The following WDR7 variants were observed in gnomAD, a reference collection of about 807,000 sequenced individuals.
The protein encoded by WDR7 is WD repeat-containing protein 7.
WDR7 carries 46 observed loss-of-function variants against 169.4 expected under a neutral mutation model. The ratio of observed to expected loss-of-function variants is 0.27; its 90% CI spans 0.21 to 0.35. The LOEUF (loss-of-function observed/expected upper bound fraction) is 0.35, where lower values mean the gene tolerates loss of function less well. WDR7 is among the 10% of genes least tolerant of loss of function. WDR7 has a pLI of 1.00. For missense variants in WDR7, 1,534 were observed against 1,859.3 expected (o/e 0.83, Z 3.22); for synonymous variants, 612 against 666.8 (o/e 0.92, Z 1.27).
At chr18:56,729,017 A>C (rs1332151508) in intron 13 of WDR7, among the ~76,000 whole-genome samples, 1 of 152,182 alleles carries the variant, frequency 6.6e-6, no homozygotes, top group East Asian at 1.9e-4. Context: ...AGAGAAGAGG[A>C]AGTATAAACT....
At chr18:56,659,400 C>T (rs1218208801) in intron 1 of WDR7, among the ~76,000 whole-genome samples, 2 of 152,092 alleles carry the variant, frequency 1.3e-5, no homozygotes, top group South Asian at 2.1e-4. Flanking sequence ...TATTTGGATT[C>T]CTTCTATGTG....
At chr18:56,723,858 G>T (rs1461434590) in intron 13 of WDR7, among the ~76,000 whole-genome samples, 1 of 151,776 alleles carries the variant, frequency 6.6e-6, no homozygotes, top group Non-Finnish European at 1.5e-5. Flanking sequence ...TCAGCTCACT[G>T]TGATGGTATT....
At chr18:57,015,722 C>T (rs985798028) in intron 26 of WDR7, among the ~76,000 whole-genome samples, 1 of 152,212 alleles carries the variant, frequency 6.6e-6, no homozygotes. Context: ...AGATGCCAAA[C>T]GTACGATGAG....
intron 12 of WDR7, among the ~76,000 whole-genome samples, chr18:56,705,869 G>A (rs2025939761): frequency 1.3e-5 from 2 of 152,240 alleles, no homozygotes; most frequent in African/African-American, 2.4e-5. Context: ...GTGGTGGCGC[G>A]TGCCTATAGT....
chr18:56,662,095 C>T (rs74824416), intron 1 of WDR7, among the ~76,000 whole-genome samples: 2,759 of 152,298 alleles, frequency 0.018, 33 homozygotes, highest in Non-Finnish European at 0.027. Context: ...TATTCCCCAT[C>T]GGTAGGTGGG....
chr18:56,795,173 A>C (rs1438324869), intron 19 of WDR7, among the ~76,000 whole-genome samples: 1 of 152,160 alleles, frequency 6.6e-6, no homozygotes, highest in Non-Finnish European at 1.5e-5. Context: ...TCATTTTACA[A>C]ATTTTCCTAT....
At position 56,932,874 on chromosome 18, in the gene WDR7, G is replaced by GGTGTGTGTGTGTGT. The variant is rs34838445; in HGVS notation, c.3714-2895_3714-2882dup. On this transcript the variant is annotated intron_variant, in intron 22 of 27. Transcript: ENST00000254442. Reference sequence around the variant, plus strand: ...CACATGATTGTATCTCTTCATTCTGGGTGTGTGTGTGTGTGTGTGTGTGTG... The same window carrying GGTGTGTGTGTGTGT: ...CACATGATTGTATCTCTTCATTCTGGGTGTGTGTGTGTGTGTGTGTGTGTGTGTGTGTGTGTGTG... Among the ~76,000 whole-genome samples, 1,133 of 131,970 alleles carry GGTGTGTGTGTGTGT rather than the reference G, an allele frequency of 8.6e-3. 6 individuals are homozygous for GGTGTGTGTGTGTGT. The highest frequency in any genetic ancestry group is 0.013 in the African/African-American group (346 of 26,002). The allele number at this position is 131,970 out of a possible 152,430, so 86.6% of individuals were successfully genotyped here.
chr18:56,749,384 GTT>G (rs2043753601), intron 14 of WDR7, among the ~76,000 whole-genome samples: 1 of 103,888 alleles, frequency 9.6e-6, no homozygotes, highest in African/African-American at 3.8e-5. Flanking sequence ...GTGTGTGTGT[GTT>G]TGTGTGTGTG....
intron 12 of WDR7, among the ~76,000 whole-genome samples, chr18:56,715,582 C>G (rs1267023124): frequency 1.3e-5 from 2 of 152,030 alleles, no homozygotes; most frequent in Non-Finnish European, 2.9e-5. Context: ...GCCTGTAGTC[C>G]TAGCACTTTG....
intron 19 of WDR7, among the ~76,000 whole-genome samples, chr18:56,798,196 G>A (rs763958469): frequency 1.3e-5 from 2 of 152,104 alleles, no homozygotes; most frequent in Admixed American, 6.5e-5. Flanking sequence ...ACTGTAGAAA[G>A]CACATCAATC....
At chr18:56,776,217 G>A (rs541592128) in intron 16 of WDR7, among the ~76,000 whole-genome samples, 5 of 151,880 alleles carry the variant, frequency 3.3e-5, no homozygotes, top group Admixed American at 2.0e-4. Context: ...GAACCTGTTA[G>A]GATTCTTTTA....
At chr18:56,720,115 A>G (rs181530710) in intron 13 of WDR7, among the ~76,000 whole-genome samples, 19 of 152,300 alleles carry the variant, frequency 1.2e-4, no homozygotes, top group Non-Finnish European at 2.2e-4. Flanking sequence ...AAGTTCTTAT[A>G]GCAATAATGG....
At chr18:56,981,660 G>A (rs1568298386) in intron 26 of WDR7, among the ~76,000 whole-genome samples, 1 of 152,154 alleles carries the variant, frequency 6.6e-6, no homozygotes, top group East Asian at 1.9e-4. Flanking sequence ...TGGAAGAAAT[G>A]CTGCCAAAAG....
chr18:57,004,585 T>G (rs1201861282), intron 26 of WDR7, among the ~76,000 whole-genome samples: 1 of 152,154 alleles, frequency 6.6e-6, no homozygotes, highest in Non-Finnish European at 1.5e-5. Context: ...GCTGCCCATG[T>G]GGAAACACTG....
chr18:56,737,427 C>G (rs2026724437), intron 14 of WDR7, among the ~76,000 whole-genome samples: 1 of 152,156 alleles, frequency 6.6e-6, no homozygotes. Context: ...ATTTTCTGTT[C>G]TGCAGCTTTA....
At chr18:56,828,673 AT>A (rs2045254712) in intron 20 of WDR7, among the ~76,000 whole-genome samples, 1 of 152,234 alleles carries the variant, frequency 6.6e-6, no homozygotes, top group African/African-American at 2.4e-5. Flanking sequence ...AATGTTTAAT[AT>A]AACTCTCATA....
intron 26 of WDR7, among the ~76,000 whole-genome samples, chr18:56,972,073 A>G (rs1030893333): frequency 2.0e-5 from 3 of 152,208 alleles, no homozygotes; most frequent in Admixed American, 6.5e-5. Flanking sequence ...TTAGCAAGGT[A>G]TGAAAATGTC....
intron 2 of WDR7, among the ~76,000 whole-genome samples, chr18:56,673,859 C>T (rs2025188202): frequency 6.6e-6 from 1 of 151,608 alleles, no homozygotes; most frequent in Non-Finnish European, 1.5e-5. Context: ...TACTCATTCT[C>T]CCTAGACCAC....
intron 12 of WDR7, among the ~76,000 whole-genome samples, chr18:56,712,034 T>C (rs2026097579): frequency 6.6e-6 from 1 of 152,158 alleles, no homozygotes; most frequent in Non-Finnish European, 1.5e-5. Context: ...AGAGAAAAAT[T>C]GTTTTGGGCA....
Sources: allele counts gnomAD v4.1 joint callset (sites outside exome capture counted in the v4.1 genomes callset), GRCh38; gene constraint gnomAD v4.1.1; transcripts MANE v1.5; gene names NCBI Gene and HGNC (gene_info 2026-07-23, HGNC 2026-07-21).